Variants in NUP98 observed in about 807,000 individuals in gnomAD.
NUP98 encodes nucleoporin 98 and 96 precursor.
NUP98 carries 26 observed loss-of-function variants against 191.9 expected under a neutral mutation model. That is an observed-to-expected ratio of 0.14 (90% CI 0.10 to 0.19). The LOEUF (loss-of-function observed/expected upper bound fraction) is 0.19, where lower values mean the gene tolerates loss of function less well. NUP98 is among the 10% of genes least tolerant of loss of function. NUP98 has a pLI of 1.00. For synonymous variants in NUP98, 808 were observed against 778.4 expected (o/e 1.04, Z -0.63); for missense variants, 1,941 against 2,178.8 (o/e 0.89, Z 2.17).
At position 3,695,303 on chromosome 11, in the gene NUP98, C is replaced by A. The variant is rs1206129104; in HGVS notation, c.4167+146G>T. On this transcript the variant is annotated intron_variant, in intron 26 of 32. Transcript: ENST00000324932. ...AGATTTTTAAAAGTGTGCATGCCTG[C>A]CTTTATAATTTGAAAATTGTCCAAT... 4.4e-5 allele frequency: 28 copies of A among 641,438 alleles called. 1 individual carries two copies. The highest frequency in any genetic ancestry group is 4.9e-6 in the Non-Finnish European group (2 of 411,968). 39.7% of individuals were successfully genotyped at this position (641,438 alleles called of 1,614,324 possible). A position where few individuals can be genotyped will look rare whatever the true frequency, so the allele number is the denominator to read the frequency against.
At chr11:3,731,612 T>A in intron 13 of NUP98, 34 bp from the exon 14 acceptor site, 15 of 1,473,130 alleles carry the variant, frequency 1.0e-5, no homozygotes, top group Non-Finnish European at 1.3e-5. Context: ...AATTTTTGGT[T>A]TACTTTAAAT....
chr11:3,725,763 T>C (rs1177775269), intron 14 of NUP98, among the ~76,000 whole-genome samples: 1 of 152,214 alleles, frequency 6.6e-6, no homozygotes, highest in African/African-American at 2.4e-5. Context: ...AAAAATCCTG[T>C]TATCAAATAA....
At chr11:3,716,062 G>C (rs2079170777) in intron 18 of NUP98, among the ~76,000 whole-genome samples, 1 of 152,188 alleles carries the variant, frequency 6.6e-6, no homozygotes, top group African/African-American at 2.4e-5. Context: ...TTGCTGTGCA[G>C]AAGGTTTTCA....
At position 3,703,557 on chromosome 11, in the gene NUP98, G is replaced by A. The variant is rs74800702; in HGVS notation, c.3083-665C>T. Among the ~76,000 whole-genome samples, 111 of 152,100 alleles carry A rather than the reference G, an allele frequency of 7.3e-4. No homozygotes were observed. In the East Asian group the frequency reaches 0.017, roughly 24 times the overall value. On this transcript the variant is annotated intron_variant, in intron 22 of 32. Transcript: ENST00000324932. Reference sequence around the variant, plus strand: ...GATTAGCATTATTATCATTCCTATTGTATATATGAGAAAACTGAGCTCAGA... The same window carrying A: ...GATTAGCATTATTATCATTCCTATTATATATATGAGAAAACTGAGCTCAGA...
rs576403160 is a variant in NUP98 at position 3,751,563 on chromosome 11, C to T, written c.1267+1753G>A. On this transcript the variant is annotated intron_variant, in intron 11 of 32. Transcript: ENST00000324932. ...GTTAAAAACTTTTTACCAGCACTTA[C>T]ATCTTTTATCTTAAGCAGAGAGCAC... Among the ~76,000 whole-genome samples, 5 of 152,270 alleles carry T rather than the reference C, an allele frequency of 3.3e-5. No homozygotes were observed. In the South Asian group the frequency reaches 6.2e-4, roughly 19 times the overall value.
In NUP98 at chr11:3,686,372, G is replaced by A. The variant is rs113545160; in HGVS notation, c.4455-178C>T. ...TATCTCTGGGTTCAGCCAGACTTTA[G>A]ATCCTACAAAGAAACAAGGCACCTT... is the stretch of plus-strand genomic sequence containing the variant. On this transcript the variant is annotated intron_variant, in intron 28 of 32. Transcript: ENST00000324932. Among the ~76,000 whole-genome samples the A allele has an allele frequency of 4.8e-3, 735 of 152,304 alleles. 4 individuals are homozygous for A. Among genetic ancestry groups the A allele is most frequent in the African/African-American group, 0.017 (705 of 41,558 alleles).
chr11:3,731,697 T>G lies in NUP98; in HGVS notation c.1543-119A>C, dbSNP rs1166614015. 4 of 617,818 alleles carry G rather than the reference T, an allele frequency of 6.5e-6. No individual in the cohort carries two copies. In the East Asian group the frequency reaches 1.2e-4, roughly 19 times the overall value. The allele number at this position is 617,818 out of a possible 1,614,324, so 38.3% of individuals were successfully genotyped here. A position where few individuals can be genotyped will look rare whatever the true frequency, so the allele number is the denominator to read the frequency against. On this transcript the variant is annotated intron_variant, in intron 13 of 32. Coordinates refer to ENST00000324932, the MANE Select transcript of NUP98 (RefSeq NM_016320.5). ...TTGTCATTCACCTGCTAGATACCTGTTGAAGTCTCTGTTCCCATAAAACAA... is the reference window on the plus strand; with the variant it reads ...TTGTCATTCACCTGCTAGATACCTGGTGAAGTCTCTGTTCCCATAAAACAA...
At chr11:3,694,694 C>T (rs531533595) in intron 26 of NUP98, among the ~76,000 whole-genome samples, 20 of 151,280 alleles carry the variant, frequency 1.3e-4, no homozygotes, top group Admixed American at 9.2e-4. Context: ...AAGCCCAGAT[C>T]GTGCCACTGC....
At position 3,722,940 on chromosome 11, in the gene NUP98, G is replaced by A. The variant is rs540980297; in HGVS notation, c.2146+217C>T. ...TTTAGACTACACCAGGATAATTAAA[G>A]ATGTATCAATTTTCATACTCTAAGG... On this transcript the variant is annotated intron_variant, in intron 16 of 32. Coordinates refer to ENST00000324932, the MANE Select transcript of NUP98 (RefSeq NM_016320.5). 2.0e-5 allele frequency among the ~76,000 whole-genome samples: 3 copies of A among 152,304 alleles called. No homozygotes were observed. In the South Asian group the frequency reaches 6.2e-4, roughly 32 times the overall value.
At chr11:3,727,332 G>C (rs2134254874) in intron 14 of NUP98, among the ~76,000 whole-genome samples, 1 of 152,152 alleles carries the variant, frequency 6.6e-6, no homozygotes. Context: ...AGGTGAGGGT[G>C]GGGGGCAGTG....
chr11:3,723,053 C>A, intron 16 of NUP98, 104 bp downstream of exon 16: 1 of 1,082,196 alleles, frequency 9.2e-7, no homozygotes, highest in Non-Finnish European at 1.4e-6. Flanking sequence ...TAAAATAATA[C>A]TTAAAATGCC....
chr11:3,742,995 G>A (rs1179286569), intron 12 of NUP98, among the ~76,000 whole-genome samples: 1 of 151,832 alleles, frequency 6.6e-6, no homozygotes, highest in Non-Finnish European at 1.5e-5. Context: ...ACTTCCTGTG[G>A]AATATAATTT....
Position 3,713,791 on chromosome 11 carries a change from A to G in NUP98, c.2577+27T>C, listed in dbSNP as rs770828406. On this transcript the variant is annotated intron_variant, in intron 19 of 32. Transcript: ENST00000324932. ...TGTGACTCCAAATATAGTTTATAAA[A>G]GTCTGAACTGGGTTAAATGACTATA... 1.9e-6 allele frequency: 3 copies of G among 1,592,510 alleles called. No homozygotes were observed. The African/African-American group carries it at 4.1e-5, about 22-fold the overall frequency.
chr11:3,791,765 C>A (rs560593971), intron 1 of NUP98, among the ~76,000 whole-genome samples: 1 of 151,168 alleles, frequency 6.6e-6, no homozygotes, highest in African/African-American at 2.4e-5. Flanking sequence ...ATTGCTTGAA[C>A]CCAGGAGGCG....
At chr11:3,761,636 G>T (rs1449412617) in intron 9 of NUP98, among the ~76,000 whole-genome samples, 1 of 152,158 alleles carries the variant, frequency 6.6e-6, no homozygotes, top group Non-Finnish European at 1.5e-5. Context: ...GCGGGCGCCT[G>T]TAATCCCAGC....
chr11:3,680,681 G>A (rs1435050482), intron 30 of NUP98, among the ~76,000 whole-genome samples: 21 of 151,684 alleles, frequency 1.4e-4, no homozygotes, highest in Admixed American at 1.3e-3. Context: ...GAATAGCTGC[G>A]ACCACAGGTG....
At chr11:3,731,336 AT>A (rs1564855442) in intron 14 of NUP98, 54 bp downstream of exon 14, 5 of 1,119,584 alleles carry the variant, frequency 4.5e-6, no homozygotes, top group Non-Finnish European at 6.1e-6. Context: ...ATTATTTCAT[AT>A]TTAGTTTATA....
intron 11 of NUP98, among the ~76,000 whole-genome samples, chr11:3,751,296 T>TGC (rs1485499553): frequency 2.0e-5 from 3 of 152,118 alleles, no homozygotes; most frequent in Non-Finnish European, 4.4e-5. Context: ...AGGCGGAGGC[T>TGC]GCGGTGAGCC....
At chr11:3,746,400 T>C (rs1338167569) in intron 11 of NUP98, among the ~76,000 whole-genome samples, 1 of 146,678 alleles carries the variant, frequency 6.8e-6, no homozygotes, top group Non-Finnish European at 1.5e-5. Context: ...TCAAAGGAAA[T>C]AGTTTACAGC....
Sources: allele counts gnomAD v4.1 joint callset (sites outside exome capture counted in the v4.1 genomes callset), GRCh38; gene constraint gnomAD v4.1.1; transcripts MANE v1.5; gene names NCBI Gene and HGNC (gene_info 2026-07-23, HGNC 2026-07-21).